PCNX2: variants seen among roughly 807,000 people sequenced by gnomAD.
PCNX2 encodes the protein pecanex 2.
PCNX2 carries 168 observed loss-of-function variants against 223.8 expected under a neutral mutation model. That is an observed-to-expected ratio of 0.75 (90% confidence interval 0.66 to 0.85). The LOEUF (loss-of-function observed/expected upper bound fraction) is 0.85. Among genes scored for constraint, PCNX2 ranks in the 40% least tolerant of loss-of-function variants. PCNX2 has a pLI of 0.00. For synonymous variants in PCNX2, 1,006 were observed against 1,052.6 expected (o/e 0.96, Z 0.86); for missense variants, 2,507 against 2,675.5 (o/e 0.94, Z 1.39).
At chr1:233,025,109 C>A in intron 26 of PCNX2, 37 bp downstream of exon 26, 1 of 1,608,292 alleles carries the variant, frequency 6.2e-7, no homozygotes, top group South Asian at 1.1e-5. Context: ...GCCATCCTAG[C>A]ATTTCTGCCT....
chr1:233,255,892 G>A (rs1422039315), intron 5 of PCNX2, among the ~76,000 whole-genome samples: 1 of 152,144 alleles, frequency 6.6e-6, no homozygotes, highest in Non-Finnish European at 1.5e-5. Flanking sequence ...AGAAGAGTAA[G>A]GATATTACCA....
At chr1:233,084,540 A>G (rs540363690) in intron 23 of PCNX2, among the ~76,000 whole-genome samples, 129 of 152,330 alleles carry the variant, frequency 8.5e-4, no homozygotes, top group African/African-American at 2.9e-3. Context: ...GGTCTAATGT[A>G]TTTTACATTT....
intron 26 of PCNX2, among the ~76,000 whole-genome samples, chr1:233,024,417 C>G (rs1159712887): frequency 3.3e-5 from 5 of 152,162 alleles, no homozygotes; most frequent in Non-Finnish European, 4.4e-5. Context: ...TCCAGGACTT[C>G]CACCATGCCA....
chr1:233,286,265 A>G (rs750179708), intron 1 of PCNX2, among the ~76,000 whole-genome samples: 2 of 152,106 alleles, frequency 1.3e-5, no homozygotes, highest in Non-Finnish European at 2.9e-5. Flanking sequence ...TAAGTCCCCT[A>G]CCATTTGGGT....
At chr1:233,120,974 A>G (rs1675749387) in intron 21 of PCNX2, among the ~76,000 whole-genome samples, 7 of 152,154 alleles carry the variant, frequency 4.6e-5, no homozygotes, top group Admixed American at 4.6e-4. Flanking sequence ...TCAGCATAGC[A>G]AGGCTGCCCT....
At chr1:233,032,362 C>CA (rs1433352142) in intron 25 of PCNX2, among the ~76,000 whole-genome samples, 4 of 152,158 alleles carry the variant, frequency 2.6e-5, no homozygotes, top group Non-Finnish European at 5.9e-5. Flanking sequence ...CTCGGCCTCC[C>CA]AAAGTGCTGG....
intron 23 of PCNX2, 193 bp downstream of exon 23, chr1:233,089,867 CA>C (rs1673781839): frequency 2.9e-6 from 4 of 1,357,232 alleles, no homozygotes; most frequent in Non-Finnish European, 3.8e-6. Flanking sequence ...TGAAATCAGT[CA>C]TGTTCTTTCC....
intron 30 of PCNX2, chr1:232,999,632 T>G: frequency 2.4e-6 from 1 of 414,580 alleles, no homozygotes. Context: ...TTTGTATTTT[T>G]TAGTAGAGAC....
At chr1:233,049,716 C>G (rs1396334140) in intron 25 of PCNX2, among the ~76,000 whole-genome samples, 11 of 152,158 alleles carry the variant, frequency 7.2e-5, no homozygotes, top group African/African-American at 2.7e-4. Flanking sequence ...CCCTTAAAGA[C>G]TCTGCCAAAA....
At chr1:233,076,843 G>GA in intron 23 of PCNX2, among the ~76,000 whole-genome samples, 1 of 152,070 alleles carries the variant, frequency 6.6e-6, no homozygotes, top group East Asian at 1.9e-4. Context: ...ATTTGGCTTG[G>GA]AAACACTGCA....
Position 233,139,737 on chromosome 1 carries a change from G to A in PCNX2, c.3636C>T (p.Ser1212=), listed in dbSNP as rs1263511492. The A allele has an allele frequency of 1.2e-6, 2 of 1,606,746 alleles. No individual in the cohort carries two copies. Among genetic ancestry groups the A allele is most frequent in the Non-Finnish European group, 8.5e-7 (1 of 1,176,176 alleles). The change falls in exon 20 of 34, where the codon AGC becomes AGT. Residue 1212 remains serine (S), a synonymous_variant. Coordinates refer to ENST00000258229, the MANE Select transcript of PCNX2 (RefSeq NM_014801.4). This position sits in a 1 kb window ranked among gnomAD's most constrained non-coding sequence, Gnocchi z 4.4. ...NALTIDAFLI[S]NHRRLGTHWD... is the part of the protein sequence containing the mutation. ...ACTGGGTACCAAGTCTCCGGTGATT[G>A]CTTATTAAAAATGCATCAATAGTGA...
intron 8 of PCNX2, among the ~76,000 whole-genome samples, chr1:233,238,700 A>AAG (rs1658567976): frequency 6.6e-6 from 1 of 151,744 alleles, no homozygotes; most frequent in Admixed American, 6.6e-5. Flanking sequence ...TCTCAAAAAA[A>AAG]AAAAAAAAGC....
chr1:233,117,344 AC>A (rs1348039475), intron 21 of PCNX2, among the ~76,000 whole-genome samples: 1 of 151,784 alleles, frequency 6.6e-6, no homozygotes, highest in African/African-American at 2.4e-5. Flanking sequence ...AAAGACCACA[AC>A]CCCCGGCCTG....
chr1:233,223,100 G>A (rs1657488770), intron 10 of PCNX2, among the ~76,000 whole-genome samples: 1 of 152,192 alleles, frequency 6.6e-6, no homozygotes, highest in African/African-American at 2.4e-5. Flanking sequence ...AGAAAAACCT[G>A]TAAATCTTCC....
Position 233,208,556 on chromosome 1 carries a change from G to A in PCNX2, c.2825C>T (p.Ser942Phe), listed in dbSNP as rs1355883179. Residue 942 changes from serine to phenylalanine, a missense_variant, in exon 13 of 34, where the codon TCT becomes TTT. Ser to Phe is a radical substitution (Grantham distance 155, BLOSUM62 -2). This residue lies in a region of PCNX2 where 104 missense variants were observed against 144.4 expected (regional missense o/e 0.72). Coordinates refer to ENST00000258229, the MANE Select transcript of PCNX2 (RefSeq NM_014801.4). ...SYVVYGLKLFSPVFLQSARDY... is the reference protein window; with the variant it reads ...SYVVYGLKLFFPVFLQSARDY... ...CCTAGCTGATTGTAGAAACACTGGA[G>A]AGAAGAGCTTCAGGCCATACACAAC... The A allele has an allele frequency of 1.2e-6, 2 of 1,613,632 alleles. No homozygotes were observed. The highest frequency in any genetic ancestry group is 1.7e-6 in the Non-Finnish European group (2 of 1,179,842).
chr1:233,063,352 A>C (rs768435278), intron 23 of PCNX2, among the ~76,000 whole-genome samples: 3 of 152,316 alleles, frequency 2.0e-5, no homozygotes, highest in Non-Finnish European at 4.4e-5. Flanking sequence ...GATTGTTTTA[A>C]AAAAGGGAAA....
chr1:233,013,736 G>A (rs946176583), intron 28 of PCNX2, among the ~76,000 whole-genome samples: 2 of 152,184 alleles, frequency 1.3e-5, no homozygotes, highest in African/African-American at 4.8e-5. Context: ...AAGCTCCCTA[G>A]GTTTGTGTTC....
At chr1:233,090,674 G>C (rs1333427500) in intron 22 of PCNX2, among the ~76,000 whole-genome samples, 1 of 152,094 alleles carries the variant, frequency 6.6e-6, no homozygotes, top group African/African-American at 2.4e-5. Context: ...TATCTATCTA[G>C]GTAGATGGAT....
At chr1:233,154,138 G>A (rs1166356477) in intron 19 of PCNX2, among the ~76,000 whole-genome samples, 1 of 152,146 alleles carries the variant, frequency 6.6e-6, no homozygotes, top group African/African-American at 2.4e-5. Flanking sequence ...GAGTACAGTG[G>A]TGTGGTCTCG....
Sources: allele counts gnomAD v4.1 joint callset (sites outside exome capture counted in the v4.1 genomes callset), GRCh38; gene constraint gnomAD v4.1.1; regional missense constraint gnomAD v4.1.1; non-coding constraint Gnocchi (gnomAD v3.1); transcripts MANE v1.5; gene names NCBI Gene and HGNC (gene_info 2026-07-23, HGNC 2026-07-21).